The following PLGRKT variants were observed in gnomAD, a reference collection of about 807,000 sequenced individuals.
PLGRKT encodes the protein plasminogen receptor (KT).
PLGRKT carries 22 observed loss-of-function variants against 18.5 expected under a neutral mutation model. The ratio of observed to expected loss-of-function variants is 1.19; its 90% CI spans 0.85 to 1.70. The LOEUF is 1.70. Ranked by LOEUF, PLGRKT falls within the 40% of genes most tolerant of loss-of-function variation. PLGRKT has a pLI of 0.00. For synonymous variants in PLGRKT, 72 were observed against 52.8 expected, an observed-to-expected ratio of 1.36 and a Z score of -1.58; for missense variants, 235 against 174.4, an observed-to-expected ratio of 1.35 and a Z score of -1.96.
At chr9:5,391,992 G>A (rs905918651) in intron 3 of PLGRKT, among the ~76,000 whole-genome samples, 5 of 151,876 alleles carry the variant, frequency 3.3e-5, no homozygotes, top group African/African-American at 1.2e-4. Flanking sequence ...AAGTTGGTCT[G>A]GCCTGGGCAA....
At chr9:5,417,888 G>C (rs996530265) in intron 3 of PLGRKT, among the ~76,000 whole-genome samples, 1 of 152,114 alleles carries the variant, frequency 6.6e-6, no homozygotes, top group African/African-American at 2.4e-5. Context: ...TGAAGACTGA[G>C]TTTCAAGGAA....
intron 3 of PLGRKT, among the ~76,000 whole-genome samples, chr9:5,373,208 T>C (rs1453999421): frequency 2.0e-5 from 3 of 152,194 alleles, no homozygotes; most frequent in African/African-American, 7.2e-5. Flanking sequence ...TGTATACTCA[T>C]TGCCTCCAAT....
At chr9:5,422,717 C>A (rs921252156) in intron 3 of PLGRKT, among the ~76,000 whole-genome samples, 2 of 152,000 alleles carry the variant, frequency 1.3e-5, no homozygotes, top group Non-Finnish European at 2.9e-5. Flanking sequence ...GTTAGAGAAT[C>A]ATATGGAAAT....
chr9:5,393,500 T>C (rs1464489247), intron 3 of PLGRKT, among the ~76,000 whole-genome samples: 1 of 151,890 alleles, frequency 6.6e-6, no homozygotes, highest in East Asian at 1.9e-4. Context: ...CAAAGAGGTT[T>C]ATTCTATAAT....
intron 3 of PLGRKT, chr9:5,392,530 G>A (rs1424017935): frequency 6.6e-6 from 1 of 151,930 alleles, no homozygotes; most frequent in African/African-American, 2.4e-5. Context: ...TGTGAAGCAG[G>A]AGGAGATAAG....
intron 3 of PLGRKT, among the ~76,000 whole-genome samples, chr9:5,364,899 C>A (rs7875330): frequency 0.76 from 115,328 of 152,148 alleles, 44,492 homozygotes; most frequent in African/African-American, 0.91. Context: ...CAATGACATC[C>A]GTATGAACTC....
intron 3 of PLGRKT, among the ~76,000 whole-genome samples, chr9:5,424,586 T>C (rs1818649973): frequency 1.5e-5 from 2 of 133,270 alleles, no homozygotes; most frequent in African/African-American, 5.9e-5. Flanking sequence ...TTACTTATTA[T>C]ATTATACAGT....
intron 3 of PLGRKT, among the ~76,000 whole-genome samples, chr9:5,367,022 C>CACAT (rs1817404832): frequency 1.5e-5 from 1 of 67,176 alleles, no homozygotes; most frequent in East Asian, 4.1e-4. Flanking sequence ...CAGACAGATA[C>CACAT]ACACACATAC....
intron 3 of PLGRKT, among the ~76,000 whole-genome samples, chr9:5,416,208 T>C (rs1263269917): frequency 2.0e-5 from 3 of 152,204 alleles, no homozygotes; most frequent in Non-Finnish European, 4.4e-5. Context: ...TCAGATTGTT[T>C]TCCTTAATAC....
rs1818515084 is a variant in PLGRKT at position 5,418,777 on chromosome 9, T to G, written c.81+13120A>C. 1.3e-6 allele frequency: 1 copy of G among 766,504 alleles called. No individual in the cohort carries two copies. The highest frequency in any genetic ancestry group is 2.3e-6 in the Non-Finnish European group (1 of 441,894). The allele number at this position is 766,504 out of a possible 1,614,324, so 47.5% of individuals were successfully genotyped here. A position where few individuals can be genotyped will look rare whatever the true frequency, so the allele number is the denominator to read the frequency against. On this transcript the variant is annotated intron_variant, in intron 3 of 5. Coordinates refer to ENST00000223864, the MANE Select transcript of PLGRKT (RefSeq NM_018465.4). This position sits in a 1 kb window ranked among gnomAD's most constrained non-coding sequence, Gnocchi z 4.2. ...CAGGACCTCGGGGTCGTCGAGGAGC[T>G]GCGACACGGAGAAGTCAGGGGGCAG... is the stretch of plus-strand genomic sequence containing the variant.
At chr9:5,369,650 C>A (rs1817474673) in intron 3 of PLGRKT, among the ~76,000 whole-genome samples, 1 of 152,146 alleles carries the variant, frequency 6.6e-6, no homozygotes, top group Non-Finnish European at 1.5e-5. Flanking sequence ...ATGTTTATTA[C>A]AGCGATGTTC....
At chr9:5,435,291 A>G (rs1199647967) in intron 2 of PLGRKT, among the ~76,000 whole-genome samples, 1 of 150,838 alleles carries the variant, frequency 6.6e-6, no homozygotes, top group East Asian at 1.9e-4. Flanking sequence ...CCCCCTCTCT[A>G]AGAAACACCC....
chr9:5,364,397 T>A (rs1335093908), intron 3 of PLGRKT, among the ~76,000 whole-genome samples: 1 of 152,218 alleles, frequency 6.6e-6, no homozygotes, highest in East Asian at 1.9e-4. Flanking sequence ...TTCAGGGTGA[T>A]GGAGTTAATC....
intron 5 of PLGRKT, among the ~76,000 whole-genome samples, chr9:5,359,930 A>G (rs1586695418): frequency 6.6e-6 from 1 of 152,334 alleles, no homozygotes; most frequent in East Asian, 1.9e-4. Context: ...GTATCATAAT[A>G]AAATGTACAT....
intron 3 of PLGRKT, among the ~76,000 whole-genome samples, chr9:5,393,249 T>C (rs571088486): frequency 4.6e-5 from 7 of 152,072 alleles, no homozygotes; most frequent in African/African-American, 1.7e-4. Flanking sequence ...ACATCCTTTT[T>C]TGTTCCTCCT....
chr9:5,403,586 G>A (rs993989673), intron 3 of PLGRKT, among the ~76,000 whole-genome samples: 6 of 152,168 alleles, frequency 3.9e-5, no homozygotes, highest in African/African-American at 1.4e-4. Flanking sequence ...TAAGGATAAA[G>A]GCAACGATAA....
chr9:5,372,393 G>A (rs1586705623), intron 3 of PLGRKT, among the ~76,000 whole-genome samples: 1 of 152,224 alleles, frequency 6.6e-6, no homozygotes, highest in East Asian at 1.9e-4. Context: ...ACCCTATGAG[G>A]TTAGTCTATG....
At chr9:5,433,168 GA>G (rs1359393320) in intron 2 of PLGRKT, among the ~76,000 whole-genome samples, 1 of 148,864 alleles carries the variant, frequency 6.7e-6, no homozygotes, top group Non-Finnish European at 1.5e-5. Context: ...GGGAAGTGAG[GA>G]GTGCCTCTGC....
chr9:5,402,158 A>C (rs1383463125), intron 3 of PLGRKT, among the ~76,000 whole-genome samples: 1 of 151,930 alleles, frequency 6.6e-6, no homozygotes, highest in Non-Finnish European at 1.5e-5. Flanking sequence ...AAATTTTAGA[A>C]AATCATTTGT....
Sources: allele counts gnomAD v4.1 joint callset (sites outside exome capture counted in the v4.1 genomes callset), GRCh38; gene constraint gnomAD v4.1.1; non-coding constraint Gnocchi (gnomAD v3.1); transcripts MANE v1.5; gene names NCBI Gene and HGNC (gene_info 2026-07-23, HGNC 2026-07-21).